The following MARCHF3 variants were observed in gnomAD, a reference collection of about 807,000 sequenced individuals.
The protein encoded by MARCHF3 is membrane associated ring-CH-type finger 3.
In MARCHF3, 13 loss-of-function variants were observed where a neutral mutation model predicts 24.2. The observed-to-expected ratio is 0.54, with a 90% CI of 0.35 to 0.85. MARCHF3 has a LOEUF of 0.85. Ranked by LOEUF, MARCHF3 falls within the 40% of genes least tolerant of loss-of-function variation. The pLI is 0.01. For missense variants in MARCHF3, 276 were observed against 325.0 expected, an observed-to-expected ratio of 0.85 and a Z score of 1.16; for synonymous variants, 144 against 137.3, an observed-to-expected ratio of 1.05 and a Z score of -0.34.
chr5:127,000,669 C>G (rs2126850113), intron 1 of MARCHF3, among the ~76,000 whole-genome samples: 1 of 152,212 alleles, frequency 6.6e-6, no homozygotes, highest in African/African-American at 2.4e-5. Flanking sequence ...ATTCATGACT[C>G]TTGAGTTTGC....
At chr5:126,975,496 CCT>C (rs1289992391) in intron 1 of MARCHF3, among the ~76,000 whole-genome samples, 1 of 152,154 alleles carries the variant, frequency 6.6e-6, no homozygotes, top group Non-Finnish European at 1.5e-5. Flanking sequence ...CATTCAAAAT[CCT>C]CTCTTCTAGC....
chr5:127,011,264 C>T (rs1399386045), intron 1 of MARCHF3, among the ~76,000 whole-genome samples: 1 of 152,172 alleles, frequency 6.6e-6, no homozygotes, highest in Non-Finnish European at 1.5e-5. Context: ...CAGGATACTT[C>T]TGTGAAGGAC....
intron 1 of MARCHF3, among the ~76,000 whole-genome samples, chr5:126,999,169 G>T (rs1184860013): frequency 1.3e-5 from 2 of 152,240 alleles, no homozygotes; most frequent in Non-Finnish European, 2.9e-5. Context: ...GCAGGGCTCA[G>T]TTGGGGCAAA....
chr5:126,940,186 G>A (rs570880552), intron 1 of MARCHF3, among the ~76,000 whole-genome samples: 185 of 152,286 alleles, frequency 1.2e-3, no homozygotes, highest in African/African-American at 4.3e-3. Flanking sequence ...CTGTGTGTCC[G>A]TGAATGACTG....
chr5:126,909,275 T>C (rs1014610630), intron 3 of MARCHF3, among the ~76,000 whole-genome samples: 35 of 152,362 alleles, frequency 2.3e-4, no homozygotes, highest in Non-Finnish European at 2.4e-4. Context: ...GTCTTTTTGT[T>C]TGTCTGTGCC....
chr5:126,899,068 C>A, intron 3 of MARCHF3: 1 of 985,200 alleles, frequency 1.0e-6, no homozygotes, highest in Non-Finnish European at 1.2e-6. Flanking sequence ...TAAATCTATC[C>A]CTCTAACTCT....
chr5:126,874,709 G>A (rs1261602933), intron 4 of MARCHF3, among the ~76,000 whole-genome samples: 4 of 152,074 alleles, frequency 2.6e-5, no homozygotes, highest in East Asian at 1.9e-4. Context: ...CTTGGCAAAC[G>A]GCCTCCTCAG....
chr5:126,972,480 T>C (rs1236000474), intron 1 of MARCHF3, among the ~76,000 whole-genome samples: 1 of 151,970 alleles, frequency 6.6e-6, no homozygotes, highest in Non-Finnish European at 1.5e-5. Flanking sequence ...GGGGAGGAGG[T>C]GAGATGAGGT....
chr5:126,872,745 C>A (rs567816798), intron 4 of MARCHF3, among the ~76,000 whole-genome samples: 12 of 152,246 alleles, frequency 7.9e-5, no homozygotes, highest in African/African-American at 2.4e-4. Flanking sequence ...AAAGCAGATG[C>A]CACGGGCCGA....
chr5:126,939,914 GA>G (rs1446326866), intron 1 of MARCHF3, among the ~76,000 whole-genome samples: 1 of 152,098 alleles, frequency 6.6e-6, no homozygotes, highest in Non-Finnish European at 1.5e-5. Context: ...GTGCATGAAC[GA>G]AGCTTACCTA....
intron 3 of MARCHF3, among the ~76,000 whole-genome samples, chr5:126,897,952 C>T (rs531536851): frequency 6.6e-6 from 1 of 152,170 alleles, no homozygotes. Flanking sequence ...CAAAGGTCCA[C>T]ATACTGTAGG....
chr5:126,965,620 T>C (rs548835207), intron 1 of MARCHF3, among the ~76,000 whole-genome samples: 3 of 152,248 alleles, frequency 2.0e-5, no homozygotes, highest in South Asian at 4.1e-4. Flanking sequence ...TGGAAACATA[T>C]GGGAGAAGGT....
intron 1 of MARCHF3, among the ~76,000 whole-genome samples, chr5:126,970,868 T>C (rs1362315888): frequency 6.6e-6 from 1 of 152,216 alleles, no homozygotes; most frequent in Non-Finnish European, 1.5e-5. Flanking sequence ...GCTGTGTTCC[T>C]GCCTCTTATG....
intron 1 of MARCHF3, among the ~76,000 whole-genome samples, chr5:127,010,482 C>G (rs965065869): frequency 6.6e-6 from 1 of 152,106 alleles, no homozygotes; most frequent in African/African-American, 2.4e-5. Flanking sequence ...GAGAACCAGG[C>G]CACAGTGGCA....
intron 1 of MARCHF3, among the ~76,000 whole-genome samples, chr5:127,003,719 T>C (rs1752215460): frequency 6.6e-6 from 1 of 152,142 alleles, no homozygotes; most frequent in South Asian, 2.1e-4. Flanking sequence ...CAGAGGAGTA[T>C]ACAACCTTGG....
chr5:126,899,285 CA>C (rs1754026168), intron 3 of MARCHF3: 1 of 985,096 alleles, frequency 1.0e-6, no homozygotes, highest in Admixed American at 6.2e-5. Flanking sequence ...AAAAGTGAGG[CA>C]AAGAATTGAG....
chr5:126,879,163 T>C (rs4836300), intron 3 of MARCHF3, among the ~76,000 whole-genome samples: 60,042 of 152,118 alleles, frequency 0.39, 12,893 homozygotes, highest in Middle Eastern at 0.52. Flanking sequence ...GAATTAAGCA[T>C]ATTTGTTTGA....
At chr5:126,932,765 T>C (rs548104165) in intron 1 of MARCHF3, among the ~76,000 whole-genome samples, 2 of 152,326 alleles carry the variant, frequency 1.3e-5, no homozygotes, top group South Asian at 4.1e-4. Context: ...TGGGCCACTA[T>C]AGCTCTAGGA....
At chr5:126,935,893 G>A (rs1004328269) in intron 1 of MARCHF3, among the ~76,000 whole-genome samples, 2 of 152,054 alleles carry the variant, frequency 1.3e-5, no homozygotes, top group African/African-American at 4.8e-5. Context: ...TTACAGGCAT[G>A]AGCCACCACA....
Sources: allele counts gnomAD v4.1 joint callset (sites outside exome capture counted in the v4.1 genomes callset), GRCh38; gene constraint gnomAD v4.1.1; transcripts MANE v1.5; gene names NCBI Gene and HGNC (gene_info 2026-07-23, HGNC 2026-07-21).